Variants in WDR90 observed in about 807,000 individuals in gnomAD.
WDR90 encodes WD repeat-containing protein 90.
WDR90 carries 238 observed loss-of-function variants against 195.2 expected under a neutral mutation model. The ratio of observed to expected loss-of-function variants is 1.22; its 90% confidence interval spans 1.10 to 1.36. The LOEUF (loss-of-function observed/expected upper bound fraction) is 1.36. Ranked by LOEUF, WDR90 falls within the 40% of genes most tolerant of loss-of-function variation. WDR90 has a pLI of 0.00. For missense variants in WDR90, 2,734 were observed against 2,439.5 expected (o/e 1.12, Z -2.54); for synonymous variants, 1,265 against 1,052.4 (o/e 1.20, Z -3.91).
rs2037741324 is a variant in WDR90, at chr16:655,876, G to C, written c.1953G>C (p.Val651=). The stretch of plus-strand genomic sequence containing the variant: ...TCTGGCCCCTGGACTTCTCCTCGGT[G>C]CTCCTGGAGGCAGGTGATGCTGTGG... The part of the protein sequence containing the change: ...LRLWPLDFSS[V]LLEAEHEGPV... Residue 651 remains valine (V), a synonymous_variant, in exon 17 of 41, where the codon GTG becomes GTC. Transcript: ENST00000293879. The C allele has an allele frequency of 3.8e-6, 6 of 1,595,394 alleles. No homozygotes were observed. The highest frequency in any genetic ancestry group is 5.1e-6 in the Non-Finnish European group (6 of 1,174,258).
Position 656,436 on chromosome 16 carries a change from G to A in WDR90, c.2101G>A (p.Ala701Thr), listed in dbSNP as rs199805518. ...CCACATGCTGGCTCGCTCCCACACCGCCCCGGTGTTGGCCCTCGCCATGGA... is the reference window on the plus strand; with the variant it reads ...CCACATGCTGGCTCGCTCCCACACCACCCCGGTGTTGGCCCTCGCCATGGA... ...VYHMLARSHT[A>T]PVLALAMEQR... is the part of the protein sequence containing the mutation. Residue 701 changes from alanine to threonine, a missense_variant, in exon 18 of 41, where the codon GCC (alanine) becomes ACC (threonine). Transcript: ENST00000293879. 7.4e-5 allele frequency: 118 copies of A among 1,602,108 alleles called. No homozygotes were observed. Among genetic ancestry groups the A allele is most frequent in the East Asian group, 5.2e-4 (23 of 44,416 alleles).
chr16:652,230 C>T (rs1309599556), intron 9 of WDR90, 191 bp downstream of exon 9: 9 of 827,950 alleles, frequency 1.1e-5, no homozygotes, highest in African/African-American at 1.7e-5. Flanking sequence ...TAAGGCAGGG[C>T]TTCTGCTCAC....
At chr16:657,719 C>T (rs540431362) in intron 20 of WDR90, 43 bp from the exon 21 acceptor site, 230 of 1,499,846 alleles carry the variant, frequency 1.5e-4, no homozygotes, top group African/African-American at 1.2e-3. Context: ...ACGCGCACCC[C>T]GGCACTCCCC....
upstream of WDR90, chr16:649,075 C>T (rs1457306315): frequency 3.4e-6 from 1 of 291,214 alleles, no homozygotes; most frequent in East Asian, 5.7e-5. Context: ...CGCCTCGCTG[C>T]TTGCATGCGG....
At position 655,182 on chromosome 16, in the gene WDR90, G is replaced by T. The variant is rs554267052; in HGVS notation, c.1556+35G>T. The stretch of plus-strand genomic sequence containing the variant: ...CCGCCCATCCACGATGTTGGGAGAG[G>T]GTCTGGGCCCGGAGTGGGGGCCGAG... On this transcript the variant is annotated intron_variant, in intron 14 of 40. Coordinates refer to ENST00000293879, the MANE Select transcript of WDR90 (RefSeq NM_145294.5). 13 of 1,612,420 alleles carry T rather than the reference G, an allele frequency of 8.1e-6. No individual in the cohort carries two copies. The African/African-American group carries it at 1.6e-4, about 20-fold the overall frequency.
intron 10 of WDR90, among the ~76,000 whole-genome samples, 172 bp from the exon 11 acceptor site, chr16:653,169 G>A (rs1334721933): frequency 1.3e-5 from 2 of 152,184 alleles, no homozygotes; most frequent in Non-Finnish European, 2.9e-5. Flanking sequence ...TGTATGTAGT[G>A]TGTGCAGGGT....
In WDR90 at chr16:651,745, G is replaced by T. The variant is rs773945214; in HGVS notation, c.838G>T (p.Ala280Ser). Residue 280 changes from alanine (A) to serine (S), a missense_variant and splice_region_variant, in exon 8 of 41, where the codon GCC (alanine) becomes TCC (serine). By Grantham distance (99) the Ala-to-Ser change is moderately conservative. Coordinates refer to ENST00000293879, the MANE Select transcript of WDR90 (RefSeq NM_145294.5). ...SPVVQTPSPTASGRAALAPRP... is the reference protein window; with the variant it reads ...SPVVQTPSPTSSGRAALAPRP... ...AGTGGTCCAGACGCCCAGCCCCACA[G>T]CCGTGAGTACCCCCTTCGCCCTATG... is the stretch of plus-strand genomic sequence containing the variant. 2 of 1,613,100 alleles carry T rather than the reference G, an allele frequency of 1.2e-6. No individual in the cohort carries two copies. The highest frequency in any genetic ancestry group is 1.7e-6 in the Non-Finnish European group (2 of 1,179,996).
rs372929238 is a variant in WDR90 at position 662,746 on chromosome 16, G to A, written c.4213G>A (p.Val1405Met). Residue 1405 changes from valine to methionine, a missense_variant, in exon 34 of 41, where the codon GTG (valine) becomes ATG (methionine). Coordinates refer to ENST00000293879, the MANE Select transcript of WDR90 (RefSeq NM_145294.5). The part of the protein sequence containing the change: ...AVVSASFDDS[V>M]DMGVVGTTAG... ...GGTGAGTGCCAGCTTCGATGACAGC[G>A]TGGACATGGGCGTCGTGGGCACCAC... 29 of 1,603,574 alleles carry A rather than the reference G, an allele frequency of 1.8e-5. No homozygotes were observed. In the African/African-American group the frequency reaches 2.0e-4, roughly 11 times the overall value.
rs2037716520 is a variant in WDR90, at chr16:654,914, G to A, written c.1438-115G>A. On this transcript the variant is annotated intron_variant, in intron 13 of 40. Transcript: ENST00000293879. ...CACTCTCCACGGCCGCACGCTCAGAGGCTGGTCTCCGCATGAGAGAAAAGC... is the reference window on the plus strand; with the variant it reads ...CACTCTCCACGGCCGCACGCTCAGAAGCTGGTCTCCGCATGAGAGAAAAGC... 9.6e-6 allele frequency: 9 copies of A among 934,646 alleles called. No individual in the cohort carries two copies. In the South Asian group the frequency reaches 1.3e-4, roughly 14 times the overall value. 57.9% of individuals were successfully genotyped at this position (934,646 alleles called of 1,614,324 possible). A position where few individuals can be genotyped will look rare whatever the true frequency, so the allele number is the denominator to read the frequency against.
intron 6 of WDR90, 25 bp from the exon 7 acceptor site, chr16:651,174 A>G: frequency 6.2e-7 from 1 of 1,613,196 alleles, no homozygotes; most frequent in Non-Finnish European, 8.5e-7. Context: ...GCCCCCAGAC[A>G]CTGACTCTCC....
chr16:661,964 T>G lies in WDR90; in HGVS notation c.3938T>G (p.Leu1313Arg), dbSNP rs376960424. The change falls in exon 32 of 41, where the codon CTG becomes CGG. Residue 1313 changes from leucine to arginine, a missense_variant. Transcript: ENST00000293879. ...LTSLCYGAPP[L>R]LYCGTSSGQV... ...TCGCTCTGCTACGGGGCACCTCCCC[T>G]GCTCTATTGTGGCACCAGCTCTGGC... 6.8e-6 allele frequency: 11 copies of G among 1,606,760 alleles called. No homozygotes were observed. The highest frequency in any genetic ancestry group is 7.6e-6 in the Non-Finnish European group (9 of 1,179,908).
At chr16:650,814 C>A in intron 5 of WDR90, 105 bp downstream of exon 5, 4 of 1,510,970 alleles carry the variant, frequency 2.6e-6, no homozygotes, top group Non-Finnish European at 3.6e-6. Context: ...TCGAGCTGTG[C>A]TGTCTCTGAG....
chr16:653,420 AGCAGC>A lies in WDR90; in HGVS notation c.1205_1209del (p.Gln402LeufsTer30). The stretch of plus-strand genomic sequence containing the variant: ...GTCGTCCTGCTCGTGGACACGGGGG[AGCAGC>A]GCTTCTTCCTTGGCCACACAGACAA... On this transcript the variant is annotated frameshift_variant, in exon 11 of 41. Coordinates refer to ENST00000293879, the MANE Select transcript of WDR90 (RefSeq NM_145294.5). LOFTEE classifies it high-confidence loss of function. The A allele has an allele frequency of 6.2e-7, 1 of 1,611,232 alleles. No individual in the cohort carries two copies. The highest frequency in any genetic ancestry group is 8.5e-7 in the Non-Finnish European group (1 of 1,179,202).
rs3752491 is a variant in WDR90 at position 667,648 on chromosome 16, C to G, written c.*59C>G. ...CCTGGTCATGCCAGGCACCTGGACA[C>G]AGGCTTGGCAGAGGCGCCAGGTTGT... On this transcript the variant is annotated 3_prime_UTR_variant, in exon 41 of 41. Transcript: ENST00000293879. 502 of 1,593,946 alleles carry G rather than the reference C, an allele frequency of 3.1e-4. 1 individual carries two copies. In the East Asian group the frequency reaches 4.9e-3, roughly 16 times the overall value.
intron 9 of WDR90, 117 bp from the exon 10 acceptor site, chr16:652,350 A>G: frequency 8.1e-7 from 1 of 1,228,868 alleles, no homozygotes; most frequent in East Asian, 2.4e-5. Flanking sequence ...ACCCAGGACC[A>G]GGGCAGTCTT....
chr16:658,766 G>A, intron 23 of WDR90, 113 bp downstream of exon 23: 1 of 1,550,972 alleles, frequency 6.4e-7, no homozygotes, highest in South Asian at 1.2e-5. Flanking sequence ...AGGGGTGAGA[G>A]TGACCCCCCA....
In WDR90 at chr16:666,658, G is replaced by C. The variant is rs2038066001; in HGVS notation, c.4885-15G>C. 6.2e-7 allele frequency: 1 copy of C among 1,612,308 alleles called. No individual in the cohort carries two copies. Among genetic ancestry groups the C allele is most frequent in the African/African-American group, 1.3e-5 (1 of 74,946 alleles). ...GTACCCATCCACCCCACCGCAGCAT[G>C]CTGCGCCTTTGCAGACTCAGGGCCA... On this transcript the variant is annotated splice_polypyrimidine_tract_variant and intron_variant, in intron 38 of 40. Coordinates refer to ENST00000293879, the MANE Select transcript of WDR90 (RefSeq NM_145294.5).
At chr16:650,791 G>A in intron 5 of WDR90, 82 bp downstream of exon 5, 1 of 1,550,634 alleles carries the variant, frequency 6.4e-7, no homozygotes, top group Non-Finnish European at 8.8e-7. Flanking sequence ...GGGTGCTTGG[G>A]AAAATACAGT....
At position 666,729 on chromosome 16, in the gene WDR90, C is replaced by G. The variant is rs376345940; in HGVS notation, c.4941C>G (p.Leu1647=). 6.2e-7 allele frequency: 1 copy of G among 1,612,714 alleles called. No individual in the cohort carries two copies. Among genetic ancestry groups the G allele is most frequent in the African/African-American group, 1.3e-5 (1 of 74,928 alleles). ...CCTTCTGCCCTTGGGATGGGGCGCTCCTGATGTACGTGGGCCCCGGTGTTT... is the reference window on the plus strand; with the variant it reads ...CCTTCTGCCCTTGGGATGGGGCGCTGCTGATGTACGTGGGCCCCGGTGTTT... ...LAAFCPWDGA[L]LMYVGPGVYK... Residue 1647 remains leucine, a synonymous_variant, in exon 39 of 41, where the codon CTC becomes CTG. Coordinates refer to ENST00000293879, the MANE Select transcript of WDR90 (RefSeq NM_145294.5).
Sources: allele counts gnomAD v4.1 joint callset (sites outside exome capture counted in the v4.1 genomes callset), GRCh38; gene constraint gnomAD v4.1.1; transcripts MANE v1.5; gene names NCBI Gene and HGNC (gene_info 2026-07-23, HGNC 2026-07-21).